The following DNAH12 variants were observed in gnomAD, a reference collection of about 807,000 sequenced individuals.
DNAH12 encodes dynein axonemal heavy chain 12, also known as axonemal beta dynein heavy chain 12.
A neutral mutation model predicts 371.5 loss-of-function variants in DNAH12; 285 were observed. That is an observed-to-expected ratio of 0.77 (90% CI 0.70 to 0.85). The LOEUF (loss-of-function observed/expected upper bound fraction) is 0.85, where lower values mean the gene tolerates loss of function less well. Ranked by LOEUF, DNAH12 falls within the 40% of genes least tolerant of loss-of-function variation. The pLI is 0.00. For synonymous variants in DNAH12, 1,200 were observed against 1,213.0 expected (o/e 0.99, Z 0.22); for missense variants, 3,611 against 3,689.4 (o/e 0.98, Z 0.55).
At chr3:57,478,852 T>C (rs1262844436) in intron 13 of DNAH12, among the ~76,000 whole-genome samples, 3 of 152,140 alleles carry the variant, frequency 2.0e-5, no homozygotes, top group African/African-American at 4.8e-5. Context: ...AGAAATAAAA[T>C]ACTTTACAGA....
At chr3:57,458,504 G>C (rs558383056) in intron 20 of DNAH12, among the ~76,000 whole-genome samples, 45 of 152,134 alleles carry the variant, frequency 3.0e-4, no homozygotes, top group African/African-American at 9.2e-4. Flanking sequence ...AGAAAAGTCT[G>C]TTTGGCTGGT....
chr3:57,380,590 G>A (rs899859223), intron 50 of DNAH12, among the ~76,000 whole-genome samples: 3 of 152,000 alleles, frequency 2.0e-5, no homozygotes, highest in African/African-American at 4.8e-5. Flanking sequence ...TCAGCCTCCC[G>A]AGTAGCTGAG....
chr3:57,389,778 A>ACGTGTG (rs2063570593), intron 45 of DNAH12, among the ~76,000 whole-genome samples: 1 of 133,566 alleles, frequency 7.5e-6, no homozygotes, highest in African/African-American at 2.6e-5. Flanking sequence ...ACATATATAC[A>ACGTGTG]TATAAATATA....
chr3:57,359,126 G>C lies in DNAH12; in HGVS notation c.9361-1778C>G, dbSNP rs2062864359. Among the ~76,000 whole-genome samples, 2 of 152,062 alleles carry C rather than the reference G, an allele frequency of 1.3e-5. 1 individual carries two copies. Among genetic ancestry groups the C allele is most frequent in the South Asian group, 4.2e-4 (2 of 4,818 alleles). ...AATAATAACTTAATTAGTATTCCATGGCTTGATCTATGCATACTTACAGTG... is the reference window on the plus strand; with the variant it reads ...AATAATAACTTAATTAGTATTCCATCGCTTGATCTATGCATACTTACAGTG... On this transcript the variant is annotated intron_variant, in intron 58 of 73. Coordinates refer to ENST00000495027, the MANE Select transcript of DNAH12 (RefSeq NM_001366028.2).
rs569350238 is a variant in DNAH12 at position 57,449,665 on chromosome 3, C to T, written c.3787-2976G>A. On this transcript the variant is annotated intron_variant, in intron 25 of 73. Coordinates refer to ENST00000495027, the MANE Select transcript of DNAH12 (RefSeq NM_001366028.2). ...GTGCGGGGCCCGCCAAGCCCACGCC[C>T]ACCTGTAACTCCAGCTGGCCCGCAA... Among the ~76,000 whole-genome samples the T allele has an allele frequency of 3.0e-4, 45 of 152,338 alleles. No homozygotes were observed. In the South Asian group the frequency reaches 6.8e-3, roughly 23 times the overall value.
intron 10 of DNAH12, 122 bp downstream of exon 10, chr3:57,502,201 C>A: frequency 7.5e-7 from 1 of 1,332,686 alleles, no homozygotes; most frequent in Non-Finnish European, 1.0e-6. Flanking sequence ...AAAGCTACGC[C>A]TATGCTCACT....
In DNAH12 at chr3:57,483,465, G is replaced by A. The variant is rs1376296801; in HGVS notation, c.1561C>T (p.Pro521Ser). The A allele has an allele frequency of 5.2e-6, 8 of 1,550,886 alleles. No homozygotes were observed. The highest frequency in any genetic ancestry group is 7.0e-6 in the Non-Finnish European group (8 of 1,146,716). ...EAIKEHALKV[P>S]ETTEEMMDLI... Reference sequence around the variant, plus strand: ...TCCATCATCTCTTCTGTTGTTTCAGGGACTTTTAATGCATGTTCTTTAATT... The same window carrying A: ...TCCATCATCTCTTCTGTTGTTTCAGAGACTTTTAATGCATGTTCTTTAATT... Residue 521 changes from proline (P) to serine (S), a missense_variant, in exon 13 of 74, where the codon CCT (proline) becomes TCT (serine). Physicochemically the swap from Pro to Ser is moderately conservative, Grantham distance 74. Transcript: ENST00000495027.
chr3:57,344,473 A>G (rs989148659), intron 60 of DNAH12, among the ~76,000 whole-genome samples: 3 of 152,198 alleles, frequency 2.0e-5, no homozygotes, highest in African/African-American at 7.2e-5. Context: ...CATTATATTG[A>G]AGAGATGTCT....
chr3:57,448,447 G>A (rs1445271496), intron 25 of DNAH12, among the ~76,000 whole-genome samples: 2 of 152,088 alleles, frequency 1.3e-5, no homozygotes, highest in South Asian at 2.1e-4. Context: ...CACGTCTGGA[G>A]TTGTTCGTTC....
In DNAH12 at chr3:57,459,589, C is replaced by A; in HGVS notation, c.2931+3G>T. 1 of 1,460,152 alleles carries A rather than the reference C, an allele frequency of 6.8e-7. No individual in the cohort carries two copies. Among genetic ancestry groups the A allele is most frequent in the Non-Finnish European group, 9.2e-7 (1 of 1,089,006 alleles). The allele number at this position is 1,460,152 out of a possible 1,614,324, so 90.4% of individuals were successfully genotyped here. On this transcript the variant is annotated splice_donor_region_variant and intron_variant, in intron 20 of 73. Transcript: ENST00000495027. ...ACTGTGAGAGAGAAAACAAACACTT[C>A]ACCTTTGGATCTTTAGCACAAAACT...
At chr3:57,324,875 C>G (rs921789575) in intron 62 of DNAH12, among the ~76,000 whole-genome samples, 1 of 152,212 alleles carries the variant, frequency 6.6e-6, no homozygotes, top group Non-Finnish European at 1.5e-5. Context: ...CCCAATACTG[C>G]GCTTTTCCGA....
chr3:57,435,890 CATA>C (rs1219206794), intron 30 of DNAH12, among the ~76,000 whole-genome samples: 1 of 152,100 alleles, frequency 6.6e-6, no homozygotes, highest in Admixed American at 6.5e-5. Flanking sequence ...TAAAAATTTA[CATA>C]ATGTTTTTGT....
chr3:57,516,053 CTTTTTTTTT>C lies in DNAH12; in HGVS notation c.280-5083_280-5075del, dbSNP rs11395278. ...CCACTCCATTAATGTACTGCTTAGT[CTTTTTTTTT>C]TTTTTTTTTTTTTTTTCTTCAGATG... is the stretch of plus-strand genomic sequence containing the variant. On this transcript the variant is annotated intron_variant, in intron 4 of 73. Coordinates refer to ENST00000495027, the MANE Select transcript of DNAH12 (RefSeq NM_001366028.2). Among the ~76,000 whole-genome samples the C allele has an allele frequency of 4.9e-3, 350 of 72,000 alleles. 1 individual carries two copies. The highest frequency in any genetic ancestry group is 0.017 in the African/African-American group (323 of 18,468). 47.2% of individuals were successfully genotyped at this position (72,000 alleles called of 152,430 possible). A position where few individuals can be genotyped will look rare whatever the true frequency, so the allele number is the denominator to read the frequency against.
intron 8 of DNAH12, among the ~76,000 whole-genome samples, chr3:57,505,172 A>T (rs1031337138): frequency 1.3e-5 from 2 of 151,984 alleles, no homozygotes; most frequent in Non-Finnish European, 2.9e-5. Flanking sequence ...TACAGGCGTG[A>T]GCCACCACAC....
chr3:57,462,779 C>T lies in DNAH12; in HGVS notation c.2446G>A (p.Asp816Asn), dbSNP rs1405315013. The change falls in exon 18 of 74, where the codon GAC (aspartate) becomes AAC (asparagine). Residue 816 changes from aspartate to asparagine, a missense_variant. Asp to Asn is a conservative substitution (Grantham distance 23). This residue lies in a region of DNAH12 where 1,314 missense variants were observed against 1,398.7 expected (regional missense o/e 0.94). Coordinates refer to ENST00000495027, the MANE Select transcript of DNAH12 (RefSeq NM_001366028.2). The part of the protein sequence containing the change: ...SEIVGYDLTP[D>N]SGTTLRKVLK... ...ACTTTTCTCAGTGTAGTTCCAGAGT[C>T]TGGAGTCAAGTCATAGCCTACAATT... The T allele has an allele frequency of 6.4e-7, 1 of 1,551,512 alleles. No individual in the cohort carries two copies. Among genetic ancestry groups the T allele is most frequent in the Admixed American group, 2.0e-5 (1 of 50,986 alleles).
At chr3:57,512,592 G>A (rs1035613473) in intron 4 of DNAH12, 6 of 152,172 alleles carry the variant, frequency 3.9e-5, no homozygotes, top group African/African-American at 1.4e-4. Flanking sequence ...GGAGAAATAG[G>A]AACACTTTTA....
chr3:57,324,997 A>C (rs1405912220), intron 62 of DNAH12, among the ~76,000 whole-genome samples: 1 of 152,240 alleles, frequency 6.6e-6, no homozygotes, highest in African/African-American at 2.4e-5. Flanking sequence ...TCAAACTGCA[A>C]GGCGGCAGCG....
chr3:57,479,110 A>G (rs571643981), intron 13 of DNAH12, among the ~76,000 whole-genome samples: 8 of 150,484 alleles, frequency 5.3e-5, no homozygotes, highest in Admixed American at 2.0e-4. Flanking sequence ...AAATGCTCCA[A>G]TTAAAAGACA....
chr3:57,328,845 T>G (rs1371823446), intron 62 of DNAH12, among the ~76,000 whole-genome samples: 1 of 129,066 alleles, frequency 7.7e-6, no homozygotes, highest in African/African-American at 3.2e-5. Flanking sequence ...CTTAAGCTGA[T>G]AAGCAAATTC....
Sources: allele counts gnomAD v4.1 joint callset (sites outside exome capture counted in the v4.1 genomes callset), GRCh38; gene constraint gnomAD v4.1.1; regional missense constraint gnomAD v4.1.1; transcripts MANE v1.5; gene names NCBI Gene and HGNC (gene_info 2026-07-23, HGNC 2026-07-21).